Variants in DPYSL5 observed in about 807,000 individuals in gnomAD.
The protein encoded by DPYSL5 is dihydropyrimidinase like 5, also known as dihydropyrimidinase-related protein 5.
A neutral mutation model predicts 58.4 loss-of-function variants in DPYSL5; 9 were observed. The ratio of observed to expected loss-of-function variants is 0.15; its 90% CI spans 0.09 to 0.27. The LOEUF is 0.27. Among genes scored for constraint, DPYSL5 ranks in the 10% least tolerant of loss-of-function variants. The pLI, the probability that DPYSL5 is intolerant of heterozygous loss-of-function variation, is 1.00. For missense variants in DPYSL5, 499 were observed against 770.6 expected (o/e 0.65, Z 4.17); for synonymous variants, 293 against 301.9 (o/e 0.97, Z 0.31).
At chr2:26,897,270 A>C (rs1664044962) in intron 1 of DPYSL5, among the ~76,000 whole-genome samples, 1 of 152,198 alleles carries the variant, frequency 6.6e-6, no homozygotes, top group Non-Finnish European at 1.5e-5. Flanking sequence ...GCCTTTCACC[A>C]TTAAATCTGA....
rs1330984085 is a variant in DPYSL5 at position 26,932,021 on chromosome 2, A to G, written c.714+337A>G. Among the ~76,000 whole-genome samples, 1,109 of 137,068 alleles carry G rather than the reference A, an allele frequency of 8.1e-3. 52 individuals carry two copies. The highest frequency in any genetic ancestry group is 0.013 in the Non-Finnish European group (831 of 64,496). The allele number at this position is 137,068 out of a possible 152,430, so 89.9% of individuals were successfully genotyped here. ...GAGACTCTGTCAAAAAAAAAAAAAA[A>G]AAAAGAAAGAAAAGAAAAGAAAGAA... On this transcript the variant is annotated intron_variant, in intron 6 of 12. Transcript: ENST00000288699.
Position 26,944,941 on chromosome 2 carries a change from TC to T in DPYSL5, c.1609+119del. 1 of 1,005,378 alleles carries T rather than the reference TC, an allele frequency of 9.9e-7. No homozygotes were observed. The highest frequency in any genetic ancestry group is 1.5e-6 in the Non-Finnish European group (1 of 686,468). The allele number at this position is 1,005,378 out of a possible 1,614,324, so 62.3% of individuals were successfully genotyped here. A position where few individuals can be genotyped will look rare whatever the true frequency, so the allele number is the denominator to read the frequency against. ...CCTCTCCTCCCTCCCGTTGCCTATTTCCAGGGATGAGTGCTGGTTTGGATAT... is the reference window on the plus strand; with the variant it reads ...CCTCTCCTCCCTCCCGTTGCCTATTTCAGGGATGAGTGCTGGTTTGGATAT... On this transcript the variant is annotated intron_variant, in intron 12 of 12. Coordinates refer to ENST00000288699, the MANE Select transcript of DPYSL5 (RefSeq NM_020134.4). This position sits in a 1 kb window ranked among gnomAD's most constrained non-coding sequence, Gnocchi z 4.4.
intron 2 of DPYSL5, among the ~76,000 whole-genome samples, chr2:26,906,620 T>C (rs1664300483): frequency 1.3e-5 from 2 of 152,226 alleles, no homozygotes; most frequent in Admixed American, 1.3e-4. Context: ...GATGCAGTTA[T>C]ACAGGGGTGT....
At chr2:26,939,952 A>C (rs779761098) in intron 8 of DPYSL5, 79 bp from the exon 9 acceptor site, 5 of 1,578,284 alleles carry the variant, frequency 3.2e-6, no homozygotes, top group Non-Finnish European at 4.3e-6. Flanking sequence ...CACACGGAGG[A>C]TTTTCCCTAT....
intron 5 of DPYSL5, among the ~76,000 whole-genome samples, chr2:26,928,760 C>T (rs113655597): frequency 0.055 from 1,601 of 29,182 alleles, 49 homozygotes; most frequent in African/African-American, 0.14. Flanking sequence ...TACGTGTGTG[C>T]GTGTGTGTGT....
chr2:26,886,094 T>C (rs1304381162), intron 1 of DPYSL5, among the ~76,000 whole-genome samples: 1 of 152,174 alleles, frequency 6.6e-6, no homozygotes, highest in African/African-American at 2.4e-5. Context: ...CGCTCCCTCA[T>C]TAGCTAGACT....
chr2:26,911,383 AG>A (rs1664438186), intron 2 of DPYSL5, among the ~76,000 whole-genome samples: 1 of 61,872 alleles, frequency 1.6e-5, no homozygotes, highest in Non-Finnish European at 3.8e-5. Flanking sequence ...TCAAAAACAT[AG>A]AGAAACGAAT....
intron 1 of DPYSL5, among the ~76,000 whole-genome samples, chr2:26,864,840 G>A (rs1487657809): frequency 2.0e-5 from 3 of 152,106 alleles, no homozygotes; most frequent in Non-Finnish European, 4.4e-5. Flanking sequence ...AAGCACATCC[G>A]TACTCCCCTG....
At chr2:26,859,160 T>A (rs913493114) in intron 1 of DPYSL5, among the ~76,000 whole-genome samples, 7 of 152,240 alleles carry the variant, frequency 4.6e-5, no homozygotes, top group African/African-American at 1.2e-4. Context: ...TCCATTTTTT[T>A]AATTCATTTT....
In DPYSL5 at chr2:26,924,895, C is replaced by G. The variant is rs759120109; in HGVS notation, c.270C>G (p.Leu90=). 6.2e-7 allele frequency: 1 copy of G among 1,613,788 alleles called. No homozygotes were observed. Among genetic ancestry groups the G allele is most frequent in the Non-Finnish European group, 8.5e-7 (1 of 1,179,848 alleles). ...TTTTCCCGTCTTCCCAGGCAGCACT[C>G]GTCGGAGGCACCACCATGATCATCG... The part of the protein sequence containing the change: ...DDFYHGTKAA[L]VGGTTMIIGH... The change falls in exon 3 of 13, where the codon CTC becomes CTG. Residue 90 remains leucine (L), a synonymous_variant. Coordinates refer to ENST00000288699, the MANE Select transcript of DPYSL5 (RefSeq NM_020134.4). The surrounding 1 kb of genome is among the most constrained non-coding windows in gnomAD (Gnocchi z 4.7).
chr2:26,861,319 A>C (rs1316067031), intron 1 of DPYSL5, among the ~76,000 whole-genome samples: 1 of 152,214 alleles, frequency 6.6e-6, no homozygotes, highest in Non-Finnish European at 1.5e-5. Flanking sequence ...TTGGAACTGT[A>C]GGACACAGAA....
Position 26,933,178 on chromosome 2 carries a change from C to G in DPYSL5, c.715-80C>G. ...GCAGGGGGAGGCGCTGGTGCCAGGG[C>G]TGACTTTGCCAGGGTTATTCTGATG... On this transcript the variant is annotated intron_variant, in intron 6 of 12. Coordinates refer to ENST00000288699, the MANE Select transcript of DPYSL5 (RefSeq NM_020134.4). The surrounding 1 kb of genome is among the most constrained non-coding windows in gnomAD (Gnocchi z 4.2). 7.4e-7 allele frequency: 1 copy of G among 1,346,380 alleles called. No homozygotes were observed. The highest frequency in any genetic ancestry group is 1.1e-6 in the Non-Finnish European group (1 of 937,022). 83.4% of individuals were successfully genotyped at this position (1,346,380 alleles called of 1,614,324 possible).
At chr2:26,866,836 A>T (rs1213158588) in intron 1 of DPYSL5, among the ~76,000 whole-genome samples, 1 of 149,690 alleles carries the variant, frequency 6.7e-6, no homozygotes, top group Non-Finnish European at 1.5e-5. Flanking sequence ...GGTTCAAGTG[A>T]TTCTCCTGCC....
chr2:26,852,091 C>T (rs6759779), intron 1 of DPYSL5, among the ~76,000 whole-genome samples: 16,374 of 152,142 alleles, frequency 0.11, 2,556 homozygotes, highest in African/African-American at 0.34. Flanking sequence ...AGAATCTGAT[C>T]TTGTGTATCT....
chr2:26,906,847 AC>A (rs748959049), intron 2 of DPYSL5, among the ~76,000 whole-genome samples: 25 of 151,578 alleles, frequency 1.6e-4, no homozygotes, highest in Non-Finnish European at 3.4e-4. Context: ...TGTGGCGTCA[AC>A]CACCTGGGCT....
At chr2:26,894,712 C>T (rs1178639468) in intron 1 of DPYSL5, among the ~76,000 whole-genome samples, 1 of 152,208 alleles carries the variant, frequency 6.6e-6, no homozygotes, top group African/African-American at 2.4e-5. Context: ...TTCCCTCAGC[C>T]ATGCTCCTTG....
chr2:26,932,171 G>GACAGAAAGAAAGAAAGAAAGA (rs1665033042), intron 6 of DPYSL5, among the ~76,000 whole-genome samples: 2 of 68,586 alleles, frequency 2.9e-5, no homozygotes, highest in African/African-American at 1.1e-4. Context: ...AAGAAAGAAA[G>GACAGAAAGAAAGAAAGAAAGA]AAAGAAAGAA....
chr2:26,880,233 T>C (rs890534751), intron 1 of DPYSL5, among the ~76,000 whole-genome samples: 3 of 152,140 alleles, frequency 2.0e-5, no homozygotes, highest in Admixed American at 1.3e-4. Flanking sequence ...TGTTTTCCTT[T>C]CCCTCCAGGG....
chr2:26,859,153 A>AT (rs1479492952), intron 1 of DPYSL5, among the ~76,000 whole-genome samples: 3 of 152,134 alleles, frequency 2.0e-5, no homozygotes, highest in South Asian at 2.1e-4. Context: ...ACTAGATTCC[A>AT]TTTTTTTAAT....
Sources: allele counts gnomAD v4.1 joint callset (sites outside exome capture counted in the v4.1 genomes callset), GRCh38; gene constraint gnomAD v4.1.1; non-coding constraint Gnocchi (gnomAD v3.1); transcripts MANE v1.5; gene names NCBI Gene and HGNC (gene_info 2026-07-23, HGNC 2026-07-21).